Variants in IGSF11 observed in about 807,000 individuals in gnomAD.
IGSF11 encodes the protein CXADR like 1.
Under a neutral mutation model 41.0 loss-of-function variants are expected in IGSF11, and 22 were observed. The ratio of observed to expected loss-of-function variants is 0.54; its 90% CI spans 0.38 to 0.77. The LOEUF (loss-of-function observed/expected upper bound fraction) is 0.77. Ranked by LOEUF, IGSF11 falls within the 30% of genes least tolerant of loss-of-function variation. The pLI is 0.00. For synonymous variants in IGSF11, 219 were observed against 201.3 expected, an observed-to-expected ratio of 1.09 and a Z score of -0.74; for missense variants, 444 against 530.8, an observed-to-expected ratio of 0.84 and a Z score of 1.61.
intron 1 of IGSF11, among the ~76,000 whole-genome samples, chr3:119,098,910 A>G (rs1394104269): frequency 6.6e-6 from 1 of 151,866 alleles, no homozygotes; most frequent in Admixed American, 6.5e-5. Flanking sequence ...TCTGTCTCAC[A>G]TGTTTTCAGA....
chr3:119,061,238 C>G (rs906427470), intron 1 of IGSF11, among the ~76,000 whole-genome samples: 2 of 152,096 alleles, frequency 1.3e-5, no homozygotes, highest in Non-Finnish European at 2.9e-5. Flanking sequence ...TTAGAATCTT[C>G]TTATGCGCCA....
At chr3:118,996,059 C>G (rs1459541492) in intron 1 of IGSF11, among the ~76,000 whole-genome samples, 1 of 152,178 alleles carries the variant, frequency 6.6e-6, no homozygotes, top group Non-Finnish European at 1.5e-5. Flanking sequence ...GCTGGGATTA[C>G]AGGCGTGAGC....
At chr3:118,971,505 G>A (rs972160979) in intron 1 of IGSF11, among the ~76,000 whole-genome samples, 1 of 151,982 alleles carries the variant, frequency 6.6e-6, no homozygotes, top group African/African-American at 2.4e-5. Flanking sequence ...GAAAATAAAC[G>A]ATATGAAAGT....
intron 1 of IGSF11, among the ~76,000 whole-genome samples, chr3:119,021,347 T>C (rs1939269239): frequency 6.6e-6 from 1 of 152,096 alleles, no homozygotes; most frequent in Non-Finnish European, 1.5e-5. Flanking sequence ...ATGACAGTGA[T>C]AAAGATGATG....
At chr3:118,939,096 T>G (rs571844994) in intron 1 of IGSF11, among the ~76,000 whole-genome samples, 2 of 152,336 alleles carry the variant, frequency 1.3e-5, no homozygotes, top group African/African-American at 4.8e-5. Flanking sequence ...CTTTAGGATG[T>G]TCTACCTAAC....
intron 2 of IGSF11, among the ~76,000 whole-genome samples, chr3:118,929,383 A>C (rs1216499456): frequency 6.6e-6 from 1 of 152,238 alleles, no homozygotes; most frequent in Admixed American, 6.5e-5. Context: ...TAACTACAAA[A>C]ATTCTATGAA....
At chr3:118,925,101 TA>T (rs201157287) in intron 4 of IGSF11, among the ~76,000 whole-genome samples, 161 of 152,338 alleles carry the variant, frequency 1.1e-3, no homozygotes, top group African/African-American at 3.7e-3. Flanking sequence ...AAGTTTTTTT[TA>T]AATGATGAAT....
At chr3:119,022,341 A>G (rs538299104) in intron 1 of IGSF11, among the ~76,000 whole-genome samples, 1 of 152,338 alleles carries the variant, frequency 6.6e-6, no homozygotes, top group South Asian at 2.1e-4. Flanking sequence ...AGTGTTGGAA[A>G]TAGCGGTGAT....
chr3:119,048,528 C>A (rs1164395865), intron 1 of IGSF11, among the ~76,000 whole-genome samples: 1 of 152,102 alleles, frequency 6.6e-6, no homozygotes, highest in South Asian at 2.1e-4. Context: ...CAAAAAGAGT[C>A]CAAGACCAGA....
chr3:118,956,097 T>A (rs1353059923), intron 1 of IGSF11, among the ~76,000 whole-genome samples: 1 of 152,188 alleles, frequency 6.6e-6, no homozygotes, highest in Non-Finnish European at 1.5e-5. Flanking sequence ...TGAACCAACC[T>A]CTGCTAGCTT....
intron 1 of IGSF11, among the ~76,000 whole-genome samples, chr3:119,134,720 A>G (rs969015216): frequency 1.3e-5 from 2 of 152,214 alleles, no homozygotes; most frequent in African/African-American, 4.8e-5. Context: ...TAAAGTTCAT[A>G]TGGAACCAAA....
upstream of IGSF11, among the ~76,000 whole-genome samples, chr3:119,107,166 G>C (rs553079785): frequency 2.0e-5 from 3 of 152,308 alleles, no homozygotes; most frequent in African/African-American, 4.8e-5. Flanking sequence ...TCACCACACT[G>C]ACTTCCACAA....
intron 1 of IGSF11, among the ~76,000 whole-genome samples, chr3:119,067,934 G>A (rs1942282780): frequency 6.6e-6 from 1 of 152,190 alleles, no homozygotes; most frequent in South Asian, 2.1e-4. Flanking sequence ...CCATTGCAAT[G>A]GAAACATTGG....
At chr3:119,134,319 T>C (rs1210576358) in intron 1 of IGSF11, among the ~76,000 whole-genome samples, 2 of 152,154 alleles carry the variant, frequency 1.3e-5, no homozygotes, top group African/African-American at 4.8e-5. Flanking sequence ...GAAAACCCCA[T>C]CGTCTCAGCC....
At chr3:118,927,471 T>C (rs1010582835) in intron 3 of IGSF11, among the ~76,000 whole-genome samples, 1 of 152,174 alleles carries the variant, frequency 6.6e-6, no homozygotes, top group African/African-American at 2.4e-5. Context: ...TTTAATATAA[T>C]ACAATGAATA....
intron 1 of IGSF11, among the ~76,000 whole-genome samples, chr3:119,065,792 C>CAAAAAAAAAAA (rs1193374379): frequency 3.5e-5 from 2 of 56,740 alleles, no homozygotes; most frequent in African/African-American, 5.8e-5. Context: ...GACTCTGTCT[C>CAAAAAAAAAAA]AAAAAAAAAA....
chr3:119,111,863 C>T (rs2077168537), intron 1 of IGSF11, among the ~76,000 whole-genome samples: 3 of 152,334 alleles, frequency 2.0e-5, no homozygotes. Context: ...CCACTCCAGA[C>T]CCTGTTTGCC....
rs947479211 is a variant in IGSF11 at position 119,057,206 on chromosome 3, C to T, written c.49+47938G>A. 1.4e-3 allele frequency among the ~76,000 whole-genome samples: 215 copies of T among 152,220 alleles called. 2 individuals are homozygous for T. Among genetic ancestry groups the T allele is most frequent in the African/African-American group, 4.7e-3 (195 of 41,534 alleles). ...TTGTCCCTGTTTGCAGACGACATGA[C>T]TGTATATCTAGAAAACCCCATCGTC... is the stretch of plus-strand genomic sequence containing the variant. On this transcript the variant is annotated intron_variant, in intron 1 of 6. Transcript: ENST00000354673.
At chr3:119,116,807 T>C (rs1352252500) in intron 1 of IGSF11, among the ~76,000 whole-genome samples, 1 of 152,186 alleles carries the variant, frequency 6.6e-6, no homozygotes, top group African/African-American at 2.4e-5. Context: ...CCAGAATTTT[T>C]TGCATATCTG....
Sources: gnomAD v4.1 joint callset for allele counts (sites outside exome capture counted in the v4.1 genomes callset) on GRCh38, gnomAD v4.1.1 for gene constraint, MANE v1.5 for transcripts, NCBI Gene and HGNC (gene_info 2026-07-23, HGNC 2026-07-21) for gene names.